MUC6: variants seen among roughly 807,000 people sequenced by gnomAD.
MUC6 encodes mucin 6, oligomeric mucus/gel-forming (gene/pseudogene).
A neutral mutation model predicts 201.5 loss-of-function variants in MUC6; 188 were observed. The ratio of observed to expected loss-of-function variants is 0.93; its 90% CI spans 0.83 to 1.05. The LOEUF (loss-of-function observed/expected upper bound fraction) is 1.05. Among genes scored for constraint, MUC6 ranks in the 50% least tolerant of loss-of-function variants. The pLI, the probability that MUC6 is intolerant of heterozygous loss-of-function variation, is 0.00. For missense variants in MUC6, 2,706 were observed against 3,256.9 expected, an observed-to-expected ratio of 0.83 and a Z score of 4.12; for synonymous variants, 1,228 against 1,389.4, an observed-to-expected ratio of 0.88 and a Z score of 2.58.
rs1290770457 is a variant in MUC6 at position 1,026,124 on chromosome 11, C to T, written c.2564G>A (p.Arg855Lys). 2 of 1,597,968 alleles carry T rather than the reference C, an allele frequency of 1.3e-6. No homozygotes were observed. The highest frequency in any genetic ancestry group is 1.7e-6 in the Non-Finnish European group (2 of 1,173,336). The change falls in exon 21 of 33, where the codon AGG becomes AAG. Residue 855 changes from arginine (R) to lysine (K), a missense_variant. Arg to Lys is a conservative substitution (Grantham distance 26). Around this residue, in one of 10 missense-constraint regions of MUC6, gnomAD observed 1,850 missense variants for 1,958.3 expected, o/e 0.94. Transcript: ENST00000421673. Reference protein sequence around the residue: ...DCRTCSCSRGRWACQQGTHCP... With the variant: ...DCRTCSCSRGKWACQQGTHCP... ...GTGGGTGCCCTGCTGACAGGCCCAC[C>T]TCCCCCTTGAGCAGGAGCTGTGGAG...
rs2133829140 is a variant in MUC6, at chr11:1,026,360, C to T, written c.2513G>A (p.Gly838Glu). 1.9e-6 allele frequency: 3 copies of T among 1,597,778 alleles called. No individual in the cohort carries two copies. The highest frequency in any genetic ancestry group is 4.5e-5 in the East Asian group (2 of 44,594). Residue 838 changes from glycine (G) to glutamate (E), a missense_variant, in exon 20 of 33, where the codon GGA becomes GAA. Gly to Glu is a moderately conservative substitution (Grantham distance 98). Around this residue, in one of 10 missense-constraint regions of MUC6, gnomAD observed 1,850 missense variants for 1,958.3 expected, o/e 0.94. Coordinates refer to ENST00000421673, the MANE Select transcript of MUC6 (RefSeq NM_005961.3). ...GCAGTCAGTGTGGAGCTCAGCTCCT[C>T]CAGGGTAGGAGACCCCCGAGAACTC... ...PCEFSGVSYPGGAELHTDCRT... is the reference protein window; with the variant it reads ...PCEFSGVSYPEGAELHTDCRT...
At chr11:1,035,027 C>A (rs1200423638) in intron 1 of MUC6, among the ~76,000 whole-genome samples, 2 of 152,242 alleles carry the variant, frequency 1.3e-5, no homozygotes, top group Admixed American at 1.3e-4. Context: ...CCACCCCCGG[C>A]CTCTCAGCCC....
At chr11:1,030,150 C>T in intron 8 of MUC6, 63 bp downstream of exon 8, 2 of 1,495,850 alleles carry the variant, frequency 1.3e-6, no homozygotes, top group Non-Finnish European at 1.8e-6. Flanking sequence ...GGTCTGACGT[C>T]CCCTTGTCTC....
intron 19 of MUC6, 88 bp downstream of exon 19, chr11:1,026,853 C>A: frequency 7.7e-7 from 1 of 1,298,342 alleles, no homozygotes; most frequent in South Asian, 1.4e-5. Flanking sequence ...GGGCAGAATG[C>A]GGCCAGGTCT....
chr11:1,020,533 T>A, intron 28 of MUC6, 151 bp downstream of exon 28: 1 of 1,241,282 alleles, frequency 8.1e-7, no homozygotes, highest in Non-Finnish European at 1.2e-6. Flanking sequence ...GCTGAGCTCC[T>A]CCCCAACTCT....
At chr11:1,025,691 G>T in intron 22 of MUC6, 114 bp downstream of exon 22, 1 of 1,021,106 alleles carries the variant, frequency 9.8e-7, no homozygotes, top group Non-Finnish European at 1.5e-6. Flanking sequence ...AGAGGCAGGC[G>T]GGGAGGGCTG....
chr11:1,019,659 T>C (rs1322357795), intron 29 of MUC6, among the ~76,000 whole-genome samples, 163 bp from the exon 30 acceptor site: 1 of 152,208 alleles, frequency 6.6e-6, no homozygotes, highest in Middle Eastern at 3.2e-3. Context: ...CCTCCCACCG[T>C]ACTCCTGGCT....
At position 1,036,607 on chromosome 11, in the gene MUC6, C is replaced by T. The variant is rs368708719; in HGVS notation, c.49G>A (p.Ala17Thr). 7.0e-5 allele frequency: 108 copies of T among 1,548,904 alleles called. No homozygotes were observed. The African/African-American group carries it at 1.1e-3, about 16-fold the overall frequency. Reference protein sequence around the residue: ...LLSCCGALLSAGLANTSYTSP... With the variant: ...LLSCCGALLSTGLANTSYTSP... ...GGCGCCCCTCGACCTCACTCACCAGCGCTGAGCAGGGCTCCGCAGCAGGAC... is the reference window on the plus strand; with the variant it reads ...GGCGCCCCTCGACCTCACTCACCAGTGCTGAGCAGGGCTCCGCAGCAGGAC... Residue 17 changes from alanine to threonine, a missense_variant, in exon 1 of 33, where the codon GCT (alanine) becomes ACT (threonine). Coordinates refer to ENST00000421673, the MANE Select transcript of MUC6 (RefSeq NM_005961.3).
chr11:1,021,297 G>T lies in MUC6; in HGVS notation c.3527-20C>A. 1 of 1,508,840 alleles carries T rather than the reference G, an allele frequency of 6.6e-7. No homozygotes were observed. Among genetic ancestry groups the T allele is most frequent in the Non-Finnish European group, 8.9e-7 (1 of 1,127,538 alleles). The allele number at this position is 1,508,840 out of a possible 1,614,324, so 93.5% of individuals were successfully genotyped here. ...AGCAGCCTAGGGTGGAGAACGGCCA[G>T]GGTCTGTGTGACTGGTGGCCAGCCA... On this transcript the variant is annotated intron_variant, in intron 26 of 32. Coordinates refer to ENST00000421673, the MANE Select transcript of MUC6 (RefSeq NM_005961.3).
At chr11:1,014,350 T>C (rs970761870) in intron 31 of MUC6, among the ~76,000 whole-genome samples, 1 of 152,180 alleles carries the variant, frequency 6.6e-6, no homozygotes, top group Non-Finnish European at 1.5e-5. Flanking sequence ...CCTGTGGGCA[T>C]GGGCCTCTCT....
intron 26 of MUC6, among the ~76,000 whole-genome samples, chr11:1,021,871 G>A (rs116581738): frequency 0.028 from 4,305 of 151,976 alleles, 222 homozygotes; most frequent in African/African-American, 0.097. Context: ...CTGTGTGTCC[G>A]GATGGCTCCA....
Position 1,023,744 on chromosome 11 carries a change from T to C in MUC6, c.3383-92A>G, listed in dbSNP as rs114953065. ...CCCCTGGGCATGCATGGAACCTGAG[T>C]GTGGGCGGGGAAGGTCTGGGCCCTC... is the stretch of plus-strand genomic sequence containing the variant. On this transcript the variant is annotated intron_variant, in intron 25 of 32. Transcript: ENST00000421673. The C allele has an allele frequency of 4.1e-3, 6,344 of 1,541,402 alleles. 245 individuals carry two copies. In the African/African-American group the frequency reaches 0.076, roughly 18 times the overall value.
Position 1,019,292 on chromosome 11 carries a change from C to T in MUC6, c.4013G>A (p.Gly1338Glu). The T allele has an allele frequency of 1.9e-6, 3 of 1,614,012 alleles. No homozygotes were observed. Among genetic ancestry groups the T allele is most frequent in the Non-Finnish European group, 8.5e-7 (1 of 1,179,898 alleles). Residue 1338 changes from glycine to glutamate, a missense_variant, in exon 30 of 33, where the codon GGG becomes GAG. Gly to Glu is a moderately conservative substitution (Grantham distance 98). This residue lies in a region of MUC6 where 1,850 missense variants were observed against 1,958.3 expected (regional missense o/e 0.94). Coordinates refer to ENST00000421673, the MANE Select transcript of MUC6 (RefSeq NM_005961.3). ...TMTLPTPATS[G>E]TSPTLPKSTN... ...TGACTTACGCAGCGTGGGGCTTGTC[C>T]CTGATGTGGCTGGGGTTGGTAGTGT...
chr11:1,020,017 A>C, intron 29 of MUC6, 73 bp downstream of exon 29: 1 of 1,535,344 alleles, frequency 6.5e-7, no homozygotes, highest in South Asian at 1.2e-5. Flanking sequence ...GGCCATCCCT[A>C]AGCCCACCCC....
chr11:1,013,263 T>G lies in MUC6; in HGVS notation c.*193A>C. On this transcript the variant is annotated 3_prime_UTR_variant, in exon 33 of 33. Coordinates refer to ENST00000421673, the MANE Select transcript of MUC6 (RefSeq NM_005961.3). ...TCTGCTGGCTCAGGGTCTGCAGGAG[T>G]GTGGTAGTCTGAGCCCCTGCTTGGC... is the stretch of plus-strand genomic sequence containing the variant. 1.7e-6 allele frequency: 1 copy of G among 587,706 alleles called. No homozygotes were observed. The highest frequency in any genetic ancestry group is 1.9e-5 in the African/African-American group (1 of 52,636). The allele number at this position is 587,706 out of a possible 1,614,324, so 36.4% of individuals were successfully genotyped here.
Position 1,024,917 on chromosome 11 carries a change from G to A in MUC6, c.3152C>T (p.Ala1051Val), listed in dbSNP as rs757856823. 1.2e-5 allele frequency: 20 copies of A among 1,612,854 alleles called. No homozygotes were observed. The highest frequency in any genetic ancestry group is 1.7e-5 in the Non-Finnish European group (20 of 1,179,884). ...SFVTDPCSLN[A>V]FRRSWAERKC... ...GCGCTCGGCCCAGGAGCGCCGGAAG[G>A]CATTGAGACTGCAGGGGTCTGTCAC... The change falls in exon 24 of 33, where the codon GCC (alanine) becomes GTC (valine). Residue 1051 changes from alanine to valine, a missense_variant. Physicochemically the swap from Ala to Val is moderately conservative, Grantham distance 64. Transcript: ENST00000421673.
chr11:1,015,798 C>G lies in MUC6; in HGVS notation c.7003G>C (p.Val2335Leu), dbSNP rs745329337. Reference sequence around the variant, plus strand: ...GGCGTAGGTGTCCCGAGAGAAGATACCGGGGCAGAAGCAGGGGTGCTTCCA... The same window carrying G: ...GGCGTAGGTGTCCCGAGAGAAGATAGCGGGGCAGAAGCAGGGGTGCTTCCA... ...AHGSTPASAP[V>L]SSLGTPTPTS... Residue 2335 changes from valine (V) to leucine (L), a missense_variant, in exon 31 of 33, where the codon GTA (valine) becomes CTA (leucine). Val to Leu is a conservative substitution (Grantham distance 32). Around this residue, in one of 10 missense-constraint regions of MUC6, gnomAD observed 586 missense variants for 488.0 expected, o/e 1.20. Transcript: ENST00000421673. 1 of 1,552,500 alleles carries G rather than the reference C, an allele frequency of 6.4e-7. No individual in the cohort carries two copies. Among genetic ancestry groups the G allele is most frequent in the Non-Finnish European group, 8.7e-7 (1 of 1,147,452 alleles).
rs1186999835 is a variant in MUC6, at chr11:1,031,115, C to A, written c.574+54G>T. 4.3e-6 allele frequency: 6 copies of A among 1,395,144 alleles called. No homozygotes were observed. In the African/African-American group the frequency reaches 6.0e-5, roughly 14 times the overall value. 86.4% of individuals were successfully genotyped at this position (1,395,144 alleles called of 1,614,324 possible). Reference sequence around the variant, plus strand: ...GCTGGGCCTCAGAGGCCCCCCTGCCCTGCCCCCCACCTAGAGGCCCCCCCA... The same window carrying A: ...GCTGGGCCTCAGAGGCCCCCCTGCCATGCCCCCCACCTAGAGGCCCCCCCA... On this transcript the variant is annotated intron_variant, in intron 5 of 32. Transcript: ENST00000421673.
intron 7 of MUC6, 31 bp from the exon 8 acceptor site, chr11:1,030,366 T>TGCCACCCCCCCCCCC: frequency 6.7e-7 from 1 of 1,489,592 alleles, no homozygotes; most frequent in Non-Finnish European, 9.1e-7. Flanking sequence ...GGTGAGAGGG[T>TGCCACCCCCCCCCCC]CCCACCCCCC....
Sources: allele counts gnomAD v4.1 joint callset (sites outside exome capture counted in the v4.1 genomes callset), GRCh38; gene constraint gnomAD v4.1.1; regional missense constraint gnomAD v4.1.1; transcripts MANE v1.5; gene names NCBI Gene and HGNC (gene_info 2026-07-23, HGNC 2026-07-21).